Variants in SYMPK observed in about 807,000 individuals in gnomAD.
SYMPK encodes the protein symplekin.
SYMPK carries 49 observed loss-of-function variants against 136.4 expected under a neutral mutation model. The observed-to-expected ratio is 0.36, with a 90% confidence interval of 0.29 to 0.46. The LOEUF (loss-of-function observed/expected upper bound fraction) is 0.46, where lower values mean the gene tolerates loss of function less well. Ranked by LOEUF, SYMPK falls within the 20% of genes least tolerant of loss-of-function variation. The pLI is 1.00. For missense variants in SYMPK, 1,365 were observed against 1,690.0 expected, an observed-to-expected ratio of 0.81 and a Z score of 3.37; for synonymous variants, 766 against 713.0, an observed-to-expected ratio of 1.07 and a Z score of -1.19.
Position 45,838,563 on chromosome 19 carries a change from C to G in SYMPK, c.1140G>C (p.Ser380=). 1 of 1,614,132 alleles carries G rather than the reference C, an allele frequency of 6.2e-7. No homozygotes were observed. The highest frequency in any genetic ancestry group is 1.7e-5 in the Admixed American group (1 of 60,010). The change falls in exon 10 of 27, where the codon TCG becomes TCC. Residue 380 remains serine, a synonymous_variant. Coordinates refer to ENST00000245934, the MANE Select transcript of SYMPK (RefSeq NM_004819.3). ...DEDKDLEPGP[S]GTSKASAQIS... ...TCTGCGCTGAGGCCTTCGAGGTCCC[C>G]GACGGGCCTGGCTCCAAGTCTTTGT...
intron 9 of SYMPK, 90 bp from the exon 10 acceptor site, chr19:45,838,705 A>C (rs982554071): frequency 7.1e-6 from 10 of 1,398,924 alleles, no homozygotes; most frequent in African/African-American, 1.4e-5. Flanking sequence ...CCCTGCCTCT[A>C]GTCAGCCTCA....
chr19:45,817,971 G>A lies in SYMPK; in HGVS notation c.3069C>T (p.Leu1023=), dbSNP rs1401978072. The change falls in exon 23 of 27, where the codon CTC becomes CTT. Residue 1023 remains leucine, a synonymous_variant. Transcript: ENST00000245934. ...GGGGATGGGTTACCTGCTTCATGAT[G>A]AGGCGGGACAGGATGTTCATGACGA... is the stretch of plus-strand genomic sequence containing the variant. ...GGFVMNILSR[L]IMKQVWKYPK... is the part of the protein sequence containing the mutation. 2.5e-6 allele frequency: 4 copies of A among 1,573,840 alleles called. No individual in the cohort carries two copies. Among genetic ancestry groups the A allele is most frequent in the Non-Finnish European group, 3.5e-6 (4 of 1,158,142 alleles).
chr19:45,843,208 C>G (rs947023721), intron 8 of SYMPK: 1 of 152,094 alleles, frequency 6.6e-6, no homozygotes, highest in Non-Finnish European at 1.5e-5. Context: ...GCTAAGTGAA[C>G]GGAATGGGAG....
At chr19:45,854,152 C>A in intron 3 of SYMPK, 23 bp downstream of exon 3, 1 of 1,613,434 alleles carries the variant, frequency 6.2e-7, no homozygotes, top group Non-Finnish European at 8.5e-7. Context: ...CTGCTCAGCC[C>A]AGGATGCCCC....
chr19:45,851,902 A>T (rs573932162), intron 5 of SYMPK, among the ~76,000 whole-genome samples: 18 of 149,602 alleles, frequency 1.2e-4, no homozygotes, highest in East Asian at 8.0e-4. Context: ...ACAAAAGATT[A>T]AAAAAAAAAG....
chr19:45,845,399 C>A (rs768262867), intron 7 of SYMPK, among the ~76,000 whole-genome samples: 2 of 152,176 alleles, frequency 1.3e-5, no homozygotes, highest in South Asian at 4.1e-4. Flanking sequence ...CCGTCTGTCT[C>A]CATGAGTTCA....
rs1971607586 is a variant in SYMPK at position 45,847,947 on chromosome 19, C to A, written c.481G>T (p.Val161Leu). Residue 161 changes from valine (V) to leucine (L), a missense_variant, in exon 7 of 27, where the codon GTA (valine) becomes TTA (leucine). Physicochemically the swap from Val to Leu is conservative, Grantham distance 32. Transcript: ENST00000245934. ...SELQEACWDMVSAMAGDIILL... is the reference protein window; with the variant it reads ...SELQEACWDMLSAMAGDIILL... The stretch of plus-strand genomic sequence containing the variant: ...ATGATGTCCCCCGCCATGGCAGATA[C>A]CATGTCCCAGCAGGCCTCCTGTAGC... 6.2e-7 allele frequency: 1 copy of A among 1,609,622 alleles called. No homozygotes were observed. The highest frequency in any genetic ancestry group is 8.5e-7 in the Non-Finnish European group (1 of 1,176,746).
chr19:45,852,477 C>G lies in SYMPK; in HGVS notation c.225+5G>C. ...ACACCCCTTTCTCTTCTGTCAGTCA[C>G]TCACATCCAGGAAGTTGTCCAGTAG... On this transcript the variant is annotated splice_donor_5th_base_variant and intron_variant, in intron 4 of 26. Coordinates refer to ENST00000245934, the MANE Select transcript of SYMPK (RefSeq NM_004819.3). 1.2e-6 allele frequency: 2 copies of G among 1,614,230 alleles called. No homozygotes were observed. The highest frequency in any genetic ancestry group is 1.7e-6 in the Non-Finnish European group (2 of 1,180,040).
intron 20 of SYMPK, 113 bp from the exon 21 acceptor site, chr19:45,822,959 A>G: frequency 1.2e-6 from 1 of 836,304 alleles, no homozygotes; most frequent in Non-Finnish European, 2.0e-6. Context: ...GCTCTGGCTC[A>G]CTGAGCCCCT....
intron 5 of SYMPK, among the ~76,000 whole-genome samples, chr19:45,850,184 G>A (rs1971665542): frequency 6.6e-6 from 1 of 152,154 alleles, no homozygotes; most frequent in Non-Finnish European, 1.5e-5. Context: ...GGCAGAGGTT[G>A]TAGTCAGCCG....
At chr19:45,836,287 G>C (rs1325783882) in intron 10 of SYMPK, among the ~76,000 whole-genome samples, 1 of 151,654 alleles carries the variant, frequency 6.6e-6, no homozygotes, top group African/African-American at 2.4e-5. Flanking sequence ...TCACCATCTT[G>C]CCCAGGCTGG....
intron 7 of SYMPK, among the ~76,000 whole-genome samples, chr19:45,846,153 G>T (rs762016368): frequency 9.8e-5 from 15 of 152,304 alleles, no homozygotes; most frequent in African/African-American, 3.4e-4. Context: ...GGAGAATGGC[G>T]TGAACACGGG....
chr19:45,840,632 C>T (rs541156752), intron 9 of SYMPK, among the ~76,000 whole-genome samples: 1 of 152,060 alleles, frequency 6.6e-6, no homozygotes, highest in Non-Finnish European at 1.5e-5. Context: ...CACTGCACTC[C>T]AGCCTGGGCA....
intron 10 of SYMPK, among the ~76,000 whole-genome samples, chr19:45,838,040 C>T (rs1047775019): frequency 3.9e-5 from 6 of 151,960 alleles, no homozygotes; most frequent in Admixed American, 6.6e-5. Flanking sequence ...AATTACAATC[C>T]CCGATGTGGG....
rs769181806 is a variant in SYMPK, at chr19:45,835,201, C to T, written c.1270G>A (p.Glu424Lys). ...GCCTGGAAGGAGGCTGGCATGGCCT[C>T]GGGTAGGTACACCATGCTGATGAGG... is the stretch of plus-strand genomic sequence containing the variant. Reference protein sequence around the residue: ...LVLISMVYLPEAMPASFQAIY... With the variant: ...LVLISMVYLPKAMPASFQAIY... Residue 424 changes from glutamate (E) to lysine (K), a missense_variant, in exon 11 of 27, where the codon GAG (glutamate) becomes AAG (lysine). Glu to Lys is a moderately conservative substitution (Grantham distance 56, BLOSUM62 1). Coordinates refer to ENST00000245934, the MANE Select transcript of SYMPK (RefSeq NM_004819.3). The T allele has an allele frequency of 3.1e-6, 5 of 1,608,796 alleles. No individual in the cohort carries two copies. The highest frequency in any genetic ancestry group is 4.2e-6 in the Non-Finnish European group (5 of 1,177,594).
rs777475776 is a variant in SYMPK, at chr19:45,815,614, A to C, written c.3771T>G (p.Thr1257=). 2 of 1,465,000 alleles carry C rather than the reference A, an allele frequency of 1.4e-6. No homozygotes were observed. Among genetic ancestry groups the C allele is most frequent in the South Asian group, 2.3e-5 (2 of 88,132 alleles). 90.8% of individuals were successfully genotyped at this position (1,465,000 alleles called of 1,614,324 possible). The change falls in exon 27 of 27, where the codon ACT becomes ACG. Residue 1257 remains threonine (T), a synonymous_variant. Transcript: ENST00000245934. ...LAPVGEDAMK[T]PSPAAEDARE... ...TGGCGTCCTCGGCAGCCGGGCTGGGAGTCTTCATAGCATCTTCTCCAACAG... is the reference window on the plus strand; with the variant it reads ...TGGCGTCCTCGGCAGCCGGGCTGGGCGTCTTCATAGCATCTTCTCCAACAG...
In SYMPK at chr19:45,823,940, C is replaced by T. The variant is rs748504066; in HGVS notation, c.2491-65G>A. The T allele has an allele frequency of 3.5e-5, 46 of 1,299,550 alleles. No individual in the cohort carries two copies. In the Middle Eastern group the frequency reaches 1.6e-3, roughly 44 times the overall value. The allele number at this position is 1,299,550 out of a possible 1,614,324, so 80.5% of individuals were successfully genotyped here. Reference sequence around the variant, plus strand: ...GCTTAGGGGAGGGTCAGGTGTTGCCCGGCAGGGTGGCTTGCGGGGCATGCT... The same window carrying T: ...GCTTAGGGGAGGGTCAGGTGTTGCCTGGCAGGGTGGCTTGCGGGGCATGCT... On this transcript the variant is annotated intron_variant, in intron 18 of 26. Coordinates refer to ENST00000245934, the MANE Select transcript of SYMPK (RefSeq NM_004819.3).
At chr19:45,818,179 C>T (rs1157304891) in intron 22 of SYMPK, 33 bp from the exon 23 acceptor site, 2 of 1,495,806 alleles carry the variant, frequency 1.3e-6, no homozygotes, top group African/African-American at 1.4e-5. Flanking sequence ...CCTGTCCTCT[C>T]TGCCCAGCTG....
Position 45,816,138 on chromosome 19 carries a change from G to C in SYMPK, c.3400C>G (p.Pro1134Ala). The C allele has an allele frequency of 1.9e-6, 3 of 1,549,210 alleles. No homozygotes were observed. Among genetic ancestry groups the C allele is most frequent in the East Asian group, 2.4e-5 (1 of 41,934 alleles). ...LTLAPAPAPRPPQDLIGLRLA... is the reference protein window; with the variant it reads ...LTLAPAPAPRAPQDLIGLRLA... ...CGCAGGCCGATGAGGTCCTGAGGGG[G>C]CCGGGGTGCTGGGGCCGGGGCCAAG... is the stretch of plus-strand genomic sequence containing the variant. The change falls in exon 26 of 27, where the codon CCC (proline) becomes GCC (alanine). Residue 1134 changes from proline (P) to alanine (A), a missense_variant. Physicochemically the swap from Pro to Ala is conservative, Grantham distance 27. This residue lies in a region of SYMPK where 341 missense variants were observed against 270.5 expected (regional missense o/e 1.26). Coordinates refer to ENST00000245934, the MANE Select transcript of SYMPK (RefSeq NM_004819.3).
Sources: allele counts gnomAD v4.1 joint callset (sites outside exome capture counted in the v4.1 genomes callset), GRCh38; gene constraint gnomAD v4.1.1; regional missense constraint gnomAD v4.1.1; transcripts MANE v1.5; gene names NCBI Gene and HGNC (gene_info 2026-07-23, HGNC 2026-07-21).